Variants in HDAC1 observed in about 807,000 individuals in gnomAD.
The protein encoded by HDAC1 is histone deacetylase 1.
A neutral mutation model predicts 65.5 loss-of-function variants in HDAC1; 18 were observed. The ratio of observed to expected loss-of-function variants is 0.27; its 90% CI spans 0.19 to 0.41. HDAC1 has a LOEUF of 0.41. Among genes scored for constraint, HDAC1 ranks in the 10% least tolerant of loss-of-function variants. The pLI is 1.00. For synonymous variants in HDAC1, 211 were observed against 227.9 expected, an observed-to-expected ratio of 0.93 and a Z score of 0.67; for missense variants, 373 against 625.2, an observed-to-expected ratio of 0.60 and a Z score of 4.30.
chr1:32,332,082 C>T lies in HDAC1; in HGVS notation c.1220-8C>T, dbSNP rs768915375. 6.3e-7 allele frequency: 1 copy of T among 1,581,828 alleles called. No individual in the cohort carries two copies. The highest frequency in any genetic ancestry group is 2.3e-5 in the East Asian group (1 of 44,394). On this transcript the variant is annotated splice_polypyrimidine_tract_variant and splice_region_variant and intron_variant, in intron 11 of 13. Coordinates refer to ENST00000373548, the MANE Select transcript of HDAC1 (RefSeq NM_004964.3). The stretch of plus-strand genomic sequence containing the variant: ...GCCCTCTCACCCATGCTTCCCACTC[C>T]CTCCCAGTCTGCTCCTCTGACAAAC...
At chr1:32,292,761 A>T (rs990147319) in intron 1 of HDAC1, among the ~76,000 whole-genome samples, 4 of 151,956 alleles carry the variant, frequency 2.6e-5, no homozygotes, top group African/African-American at 9.7e-5. Context: ...TAATCTCTCA[A>T]GCAGGTTACT....
chr1:32,333,073 T>A lies in HDAC1; in HGVS notation c.*29T>A, dbSNP rs1056504097. On this transcript the variant is annotated 3_prime_UTR_variant, in exon 14 of 14. Coordinates refer to ENST00000373548, the MANE Select transcript of HDAC1 (RefSeq NM_004964.3). Reference sequence around the variant, plus strand: ...GACCTCTCCAGCTCTGGCTTCCTGCTGAGTCCCTCACGTTTCTTCCCCAAC... The same window carrying A: ...GACCTCTCCAGCTCTGGCTTCCTGCAGAGTCCCTCACGTTTCTTCCCCAAC... 2 of 1,601,642 alleles carry A rather than the reference T, an allele frequency of 1.2e-6. No homozygotes were observed. Among genetic ancestry groups the A allele is most frequent in the African/African-American group, 1.3e-5 (1 of 74,774 alleles).
rs2148073362 is a variant in HDAC1, at chr1:32,331,818, A to T, written c.1219+12A>T. 6.2e-7 allele frequency: 1 copy of T among 1,600,208 alleles called. No homozygotes were observed. Among genetic ancestry groups the T allele is most frequent in the Non-Finnish European group, 8.5e-7 (1 of 1,172,624 alleles). On this transcript the variant is annotated intron_variant, in intron 11 of 13. Coordinates refer to ENST00000373548, the MANE Select transcript of HDAC1 (RefSeq NM_004964.3). The surrounding 1 kb of genome is among the most constrained non-coding windows in gnomAD (Gnocchi z 4.2). ...CAAGCGCATCTCGAGTGAGACCCAG[A>T]CCTAGAGCCCTATGCCTTCCATTCA...
In HDAC1 at chr1:32,329,017, C is replaced by T. The variant is rs1360228330; in HGVS notation, c.637-51C>T. 8.9e-7 allele frequency: 1 copy of T among 1,127,578 alleles called. No individual in the cohort carries two copies. Among genetic ancestry groups the T allele is most frequent in the South Asian group, 1.2e-5 (1 of 81,338 alleles). The allele number at this position is 1,127,578 out of a possible 1,614,324, so 69.8% of individuals were successfully genotyped here. A position where few individuals can be genotyped will look rare whatever the true frequency, so the allele number is the denominator to read the frequency against. ...TATCCCTCCAGCCCCTATCCTTGACCTTCCTTCAAGCTTCATCCTTCAGTT... is the reference window on the plus strand; with the variant it reads ...TATCCCTCCAGCCCCTATCCTTGACTTTCCTTCAAGCTTCATCCTTCAGTT... On this transcript the variant is annotated intron_variant, in intron 6 of 13. Transcript: ENST00000373548. This position sits in a 1 kb window ranked among gnomAD's most constrained non-coding sequence, Gnocchi z 4.1.
In HDAC1 at chr1:32,292,094, T is replaced by G; in HGVS notation, c.-76T>G. On this transcript the variant is annotated 5_prime_UTR_variant, in exon 1 of 14. Coordinates refer to ENST00000373548, the MANE Select transcript of HDAC1 (RefSeq NM_004964.3). ...GGCCGGAGGCCCGCCCCCTCCCCCC[T>G]GGGTCGGACGCTGAGCGGAGCCGCG... 1 of 1,419,236 alleles carries G rather than the reference T, an allele frequency of 7.0e-7. No homozygotes were observed. 87.9% of individuals were successfully genotyped at this position (1,419,236 alleles called of 1,614,324 possible). A position where few individuals can be genotyped will look rare whatever the true frequency, so the allele number is the denominator to read the frequency against.
intron 1 of HDAC1, among the ~76,000 whole-genome samples, chr1:32,295,709 A>G (rs1027133974): frequency 1.3e-5 from 2 of 152,200 alleles, no homozygotes; most frequent in Non-Finnish European, 2.9e-5. Flanking sequence ...TTTCCAACAC[A>G]TGAATTTTGG....
In HDAC1 at chr1:32,324,532, T is replaced by A. The variant is rs535771240; in HGVS notation, c.334T>A (p.Leu112Met). Residue 112 changes from leucine to methionine, a missense_variant, in exon 4 of 14, where the codon TTG becomes ATG. Around this residue, in one of 4 missense-constraint regions of HDAC1, gnomAD observed 62 missense variants for 180.0 expected, o/e 0.34. Transcript: ENST00000373548. ...CGATGGCCTGTTTGAGTTCTGTCAGTTGTCTACTGGTGGTTCTGTGGGTAA... is the reference window on the plus strand; with the variant it reads ...CGATGGCCTGTTTGAGTTCTGTCAGATGTCTACTGGTGGTTCTGTGGGTAA... ...VFDGLFEFCQ[L>M]STGGSVASAV... The A allele has an allele frequency of 4.3e-6, 7 of 1,612,048 alleles. No individual in the cohort carries two copies. In the Admixed American group the frequency reaches 1.2e-4, roughly 27 times the overall value.
At position 32,324,483 on chromosome 1, in the gene HDAC1, C is replaced by T. The variant is rs763777744; in HGVS notation, c.285C>T (p.Asn95=). The part of the protein sequence containing the change: ...SEYSKQMQRF[N]VGEDCPVFDG... ...CTTTTGCTTATTTCTTTCAAGTCAACGTTGGTGAGGACTGTCCAGTATTCG... is the reference window on the plus strand; with the variant it reads ...CTTTTGCTTATTTCTTTCAAGTCAATGTTGGTGAGGACTGTCCAGTATTCG... The change falls in exon 4 of 14, where the codon AAC becomes AAT. Residue 95 remains asparagine (N), a synonymous_variant. Coordinates refer to ENST00000373548, the MANE Select transcript of HDAC1 (RefSeq NM_004964.3). 27 of 1,608,580 alleles carry T rather than the reference C, an allele frequency of 1.7e-5. No homozygotes were observed. The highest frequency in any genetic ancestry group is 5.5e-5 in the South Asian group (5 of 90,904).
In HDAC1 at chr1:32,331,514, T is replaced by C; in HGVS notation, c.1020T>C (p.Asp340=). The change falls in exon 10 of 14, where the codon GAT becomes GAC. Residue 340 remains aspartate (D), a synonymous_variant. Transcript: ENST00000373548. The surrounding 1 kb of genome is among the most constrained non-coding windows in gnomAD (Gnocchi z 4.2). ...YNDYFEYFGP[D]FKLHISPSNM... ...ACTACTTTGAATACTTTGGACCAGA[T>C]TTCAAGCTCCACATCAGTCCTTCCA... is the stretch of plus-strand genomic sequence containing the variant. The C allele has an allele frequency of 6.2e-7, 1 of 1,612,676 alleles. No individual in the cohort carries two copies. Among genetic ancestry groups the C allele is most frequent in the Non-Finnish European group, 8.5e-7 (1 of 1,178,696 alleles).
intron 2 of HDAC1, among the ~76,000 whole-genome samples, chr1:32,316,187 G>A (rs1462517807): frequency 3.3e-5 from 5 of 151,968 alleles, no homozygotes; most frequent in Non-Finnish European, 7.3e-5. Context: ...GGAAGGCTGA[G>A]GCAGGAGAAT....
Position 32,327,540 on chromosome 1 carries a change from C to T in HDAC1, c.499C>T (p.His167Tyr), listed in dbSNP as rs2148070670. 1.2e-6 allele frequency: 2 copies of T among 1,611,080 alleles called. No individual in the cohort carries two copies. Among genetic ancestry groups the T allele is most frequent in the Non-Finnish European group, 8.5e-7 (1 of 1,178,042 alleles). Residue 167 changes from histidine to tyrosine, a missense_variant, in exon 6 of 14, where the codon CAC (histidine) becomes TAC (tyrosine). Physicochemically the swap from His to Tyr is moderately conservative, Grantham distance 83 (BLOSUM62 2). Transcript: ENST00000373548. The surrounding 1 kb of genome is among the most constrained non-coding windows in gnomAD (Gnocchi z 6.0). ...VLAILELLKY[H>Y]QRVLYIDIDI... is the part of the protein sequence containing the mutation. The stretch of plus-strand genomic sequence containing the variant: ...CTGACCCCCTTCTGATCCTAGGTAT[C>T]ACCAGAGGGTGCTGTACATTGACAT...
rs1640865147 is a variant in HDAC1, at chr1:32,302,610, CTCTT to C, written c.50-10_50-7del. 1.5e-6 allele frequency: 2 copies of C among 1,378,764 alleles called. No individual in the cohort carries two copies. Among genetic ancestry groups the C allele is most frequent in the African/African-American group, 1.4e-5 (1 of 70,604 alleles). The allele number at this position is 1,378,764 out of a possible 1,614,324, so 85.4% of individuals were successfully genotyped here. On this transcript the variant is annotated splice_region_variant and splice_polypyrimidine_tract_variant and intron_variant, in intron 1 of 13. Transcript: ENST00000373548. ...ACTGTGTTAGTGAAGCTGTCACTCT[CTCTT>C]CTTCAGGGGATGTTGGAAATTACTA...
chr1:32,293,654 G>A (rs889100573), intron 1 of HDAC1, among the ~76,000 whole-genome samples: 1 of 151,652 alleles, frequency 6.6e-6, no homozygotes, highest in Non-Finnish European at 1.5e-5. Flanking sequence ...CTGTAATCCC[G>A]GCACTTTGGG....
In HDAC1 at chr1:32,292,136, G is replaced by A. The variant is rs1334987107; in HGVS notation, c.-34G>A. The A allele has an allele frequency of 1.9e-6, 3 of 1,546,718 alleles. No homozygotes were observed. Among genetic ancestry groups the A allele is most frequent in the African/African-American group, 1.4e-5 (1 of 73,042 alleles). On this transcript the variant is annotated 5_prime_UTR_variant, in exon 1 of 14. Coordinates refer to ENST00000373548, the MANE Select transcript of HDAC1 (RefSeq NM_004964.3). ...GGAGCCGCGGGCGGGAGGGCGGACG[G>A]ACCGACTGACGGTAGGGACGGGAGG... is the stretch of plus-strand genomic sequence containing the variant.
intron 2 of HDAC1, among the ~76,000 whole-genome samples, chr1:32,309,655 C>T (rs558699527): frequency 1.3e-5 from 2 of 149,282 alleles, no homozygotes; most frequent in South Asian, 4.3e-4. Flanking sequence ...CCACTGTACT[C>T]CAGCCTGGGC....
chr1:32,293,802 TG>T, intron 1 of HDAC1, among the ~76,000 whole-genome samples: 1 of 151,138 alleles, frequency 6.6e-6, no homozygotes. Context: ...CTCAGGAGGC[TG>T]AGGCAGGAGA....
intron 6 of HDAC1, 97 bp from the exon 7 acceptor site, chr1:32,328,971 T>C (rs1641255571): frequency 7.5e-6 from 6 of 798,116 alleles, no homozygotes; most frequent in Non-Finnish European, 1.1e-5. Context: ...GCCTAGCTTG[T>C]CTCTCTTGAA....
chr1:32,321,543 A>G (rs1159473411), intron 3 of HDAC1, among the ~76,000 whole-genome samples: 7 of 152,100 alleles, frequency 4.6e-5, no homozygotes, highest in Non-Finnish European at 1.5e-5. Context: ...TGTGAGAATG[A>G]GAAAAGCGTT....
At position 32,331,717 on chromosome 1, in the gene HDAC1, C is replaced by A. The variant is rs2148073204; in HGVS notation, c.1130C>A (p.Pro377His). 6.2e-7 allele frequency: 1 copy of A among 1,614,058 alleles called. No homozygotes were observed. The change falls in exon 11 of 14, where the codon CCT becomes CAT. Residue 377 changes from proline to histidine, a missense_variant. Transcript: ENST00000373548. This position sits in a 1 kb window ranked among gnomAD's most constrained non-coding sequence, Gnocchi z 4.2. ...FENLRMLPHA[P>H]GVQMQAIPED... ...AACCTTAGAATGCTGCCGCACGCAC[C>A]TGGGGTCCAAATGCAGGCGATTCCT...
Sources: allele counts gnomAD v4.1 joint callset (sites outside exome capture counted in the v4.1 genomes callset), GRCh38; gene constraint gnomAD v4.1.1; regional missense constraint gnomAD v4.1.1; non-coding constraint Gnocchi (gnomAD v3.1); transcripts MANE v1.5; gene names NCBI Gene and HGNC (gene_info 2026-07-23, HGNC 2026-07-21).